The following SNAP91 variants were observed in gnomAD, a reference collection of about 807,000 sequenced individuals.
SNAP91 encodes clathrin coat assembly protein AP180.
SNAP91 carries 27 observed loss-of-function variants against 100.3 expected under a neutral mutation model. The observed-to-expected ratio is 0.27, with a 90% CI of 0.20 to 0.37. The LOEUF (loss-of-function observed/expected upper bound fraction) is 0.37, where lower values mean the gene tolerates loss of function less well. Ranked by LOEUF, SNAP91 falls within the 10% of genes least tolerant of loss-of-function variation. The pLI is 1.00. For synonymous variants in SNAP91, 404 were observed against 398.6 expected, an observed-to-expected ratio of 1.01 and a Z score of -0.16; for missense variants, 986 against 1,123.7, an observed-to-expected ratio of 0.88 and a Z score of 1.75.
chr6:83,675,660 T>C (rs1366785647), intron 2 of SNAP91, among the ~76,000 whole-genome samples: 4 of 152,094 alleles, frequency 2.6e-5, no homozygotes, highest in Non-Finnish European at 5.9e-5. Flanking sequence ...CTAGTTCAAT[T>C]ACCTTATATT....
rs1202823451 is a variant in SNAP91 at position 83,697,089 on chromosome 6, G to T, written c.130+10709C>A. ...GTTAATCTTGCCCCCTTTCCTTACT[G>T]CTTGTCGAAAGCCCCCAAGTTGTTA... On this transcript the variant is annotated intron_variant, in intron 2 of 29. Coordinates refer to ENST00000369694, the MANE Select transcript of SNAP91 (RefSeq NM_001242792.2). 1.3e-5 allele frequency among the ~76,000 whole-genome samples: 2 copies of T among 151,966 alleles called. 1 individual carries two copies. Among genetic ancestry groups the T allele is most frequent in the Admixed American group, 1.3e-4 (2 of 15,230 alleles).
intron 11 of SNAP91, among the ~76,000 whole-genome samples, chr6:83,610,919 T>A (rs1325077841): frequency 1.3e-5 from 2 of 151,710 alleles, no homozygotes; most frequent in Non-Finnish European, 1.5e-5. Context: ...CTACTTAATT[T>A]CCAGTACTAG....
At chr6:83,648,590 G>C (rs932172585) in intron 7 of SNAP91, among the ~76,000 whole-genome samples, 7 of 152,072 alleles carry the variant, frequency 4.6e-5, no homozygotes, top group Admixed American at 4.6e-4. Context: ...GATGTGTATA[G>C]GAGTTCCAGT....
intron 8 of SNAP91, among the ~76,000 whole-genome samples, chr6:83,639,519 T>C (rs1256009569): frequency 6.6e-6 from 1 of 152,218 alleles, no homozygotes; most frequent in Non-Finnish European, 1.5e-5. Flanking sequence ...ATTATCCAGT[T>C]ATTTAAAGAC....
chr6:83,614,067 T>C (rs2096323590), intron 11 of SNAP91, among the ~76,000 whole-genome samples: 2 of 152,166 alleles, frequency 1.3e-5, no homozygotes, highest in South Asian at 2.1e-4. Flanking sequence ...AGCTGTCAAA[T>C]AGAATATTTT....
intron 22 of SNAP91, among the ~76,000 whole-genome samples, chr6:83,583,726 A>C (rs1831745344): frequency 6.6e-6 from 1 of 152,158 alleles, no homozygotes; most frequent in African/African-American, 2.4e-5. Flanking sequence ...TTGCAAAAAC[A>C]ATGTTTCAAA....
intron 7 of SNAP91, among the ~76,000 whole-genome samples, chr6:83,652,406 G>T (rs1401914562): frequency 6.6e-6 from 1 of 151,858 alleles, no homozygotes; most frequent in African/African-American, 2.4e-5. Flanking sequence ...CATAGAGTTT[G>T]CTATGTACAT....
At chr6:83,607,890 C>T (rs1001246251) in intron 12 of SNAP91, 82 bp from the exon 13 acceptor site, 4 of 640,492 alleles carry the variant, frequency 6.2e-6, no homozygotes, top group African/African-American at 3.8e-5. Flanking sequence ...TTTGTATAAC[C>T]ATGACATGCC....
chr6:83,561,922 G>A (rs1244917484), intron 26 of SNAP91, among the ~76,000 whole-genome samples: 1 of 152,132 alleles, frequency 6.6e-6, no homozygotes. Context: ...AGCTACTCGG[G>A]AGGCTGAGGT....
intron 26 of SNAP91, among the ~76,000 whole-genome samples, chr6:83,561,397 T>C (rs1036379090): frequency 6.6e-6 from 1 of 152,198 alleles, no homozygotes; most frequent in Non-Finnish European, 1.5e-5. Flanking sequence ...GCATGCCAAA[T>C]ATGTATGAGT....
intron 2 of SNAP91, among the ~76,000 whole-genome samples, chr6:83,670,209 G>C (rs2098757758): frequency 6.8e-6 from 1 of 146,896 alleles, no homozygotes; most frequent in Non-Finnish European, 1.5e-5. Context: ...GAGCATTCTA[G>C]TTGCTCTACA....
At chr6:83,702,319 T>A (rs1275982403) in intron 2 of SNAP91, among the ~76,000 whole-genome samples, 1 of 152,152 alleles carries the variant, frequency 6.6e-6, no homozygotes, top group Non-Finnish European at 1.5e-5. Context: ...ACTTCTGACC[T>A]TCTTTACCAA....
At chr6:83,623,424 G>A in intron 8 of SNAP91, 82 bp from the exon 9 acceptor site, 3 of 933,058 alleles carry the variant, frequency 3.2e-6, no homozygotes, top group Non-Finnish European at 3.4e-6. Context: ...TACACAATTA[G>A]TTTAAACAGC....
At chr6:83,575,617 T>C (rs1215429313) in intron 25 of SNAP91, 1 of 209,026 alleles carries the variant, frequency 4.8e-6, no homozygotes, top group Non-Finnish European at 9.3e-6. Context: ...CGACAAAATA[T>C]ACATCTAAAA....
intron 26 of SNAP91, among the ~76,000 whole-genome samples, chr6:83,571,826 T>C (rs1011470067): frequency 1.7e-4 from 26 of 152,162 alleles, no homozygotes; most frequent in African/African-American, 5.8e-4. Flanking sequence ...AAATCTTATC[T>C]TGAATTCCCA....
intron 2 of SNAP91, among the ~76,000 whole-genome samples, chr6:83,697,614 A>G (rs2129030899): frequency 6.6e-6 from 1 of 152,284 alleles, no homozygotes; most frequent in South Asian, 2.1e-4. Flanking sequence ...TGTTGAGAGG[A>G]TGTCAGGAAA....
intron 2 of SNAP91, among the ~76,000 whole-genome samples, chr6:83,704,050 G>A (rs1364621197): frequency 6.6e-6 from 1 of 152,134 alleles, no homozygotes; most frequent in African/African-American, 2.4e-5. Context: ...GGTAGGTACT[G>A]GGTGCCTATT....
chr6:83,557,523 A>T (rs1780600304), intron 28 of SNAP91, among the ~76,000 whole-genome samples: 1 of 151,972 alleles, frequency 6.6e-6, no homozygotes, highest in Non-Finnish European at 1.5e-5. Context: ...ATAAAAAAAA[A>T]AATAGCTGGG....
chr6:83,638,045 A>C (rs377128685), intron 8 of SNAP91, among the ~76,000 whole-genome samples: 72 of 152,276 alleles, frequency 4.7e-4, no homozygotes, highest in African/African-American at 1.7e-3. Flanking sequence ...GGGAGGGGCC[A>C]GCAGGTGAGG....
Sources: allele counts gnomAD v4.1 joint callset (sites outside exome capture counted in the v4.1 genomes callset), GRCh38; gene constraint gnomAD v4.1.1; transcripts MANE v1.5; gene names NCBI Gene and HGNC (gene_info 2026-07-23, HGNC 2026-07-21).